CTNNA3: variants seen among roughly 807,000 people sequenced by gnomAD.
The protein encoded by CTNNA3 is catenin alpha-3.
CTNNA3 carries 76 observed loss-of-function variants against 95.7 expected under a neutral mutation model. The observed-to-expected ratio is 0.79, with a 90% confidence interval of 0.66 to 0.96. The LOEUF (loss-of-function observed/expected upper bound fraction) is 0.96, where lower values mean the gene tolerates loss of function less well. CTNNA3 is among the 40% of genes least tolerant of loss of function. The pLI is 0.00. For missense variants in CTNNA3, 1,191 were observed against 1,089.8 expected (o/e 1.09, Z -1.31); for synonymous variants, 431 against 374.4 (o/e 1.15, Z -1.74).
intron 5 of CTNNA3, among the ~76,000 whole-genome samples, chr10:67,417,005 C>T (rs1399851295): frequency 6.6e-6 from 1 of 152,144 alleles, no homozygotes; most frequent in Middle Eastern, 3.2e-3. Flanking sequence ...GTACATTCAT[C>T]ACTGTGCTAG....
chr10:66,288,351 T>A (rs1379250718), intron 12 of CTNNA3, among the ~76,000 whole-genome samples: 4 of 141,252 alleles, frequency 2.8e-5, no homozygotes, highest in Non-Finnish European at 6.1e-5. Flanking sequence ...CTTTTTAAGA[T>A]TCTACAATAA....
chr10:66,841,254 T>C (rs1270777340), intron 7 of CTNNA3, among the ~76,000 whole-genome samples: 1 of 151,744 alleles, frequency 6.6e-6, no homozygotes, highest in Non-Finnish European at 1.5e-5. Context: ...GTAACTGCAG[T>C]ATATGTAGGG....
chr10:67,598,102 A>T (rs899702098), intron 3 of CTNNA3, among the ~76,000 whole-genome samples: 5 of 152,018 alleles, frequency 3.3e-5, no homozygotes, highest in African/African-American at 1.2e-4. Flanking sequence ...TTCTGTCTAG[A>T]TCTGACAGTT....
At chr10:66,830,783 G>A (rs1842691569) in intron 7 of CTNNA3, among the ~76,000 whole-genome samples, 1 of 151,756 alleles carries the variant, frequency 6.6e-6, no homozygotes, top group Admixed American at 6.6e-5. Flanking sequence ...CTAATTTTTT[G>A]TATTTTTAGT....
At chr10:67,688,455 T>G (rs1485614113) in intron 1 of CTNNA3, among the ~76,000 whole-genome samples, 1 of 152,202 alleles carries the variant, frequency 6.6e-6, no homozygotes, top group Non-Finnish European at 1.5e-5. Flanking sequence ...TGTATTCTCC[T>G]TCAATGAAAA....
At chr10:66,528,472 A>T (rs1037443494) in intron 10 of CTNNA3, among the ~76,000 whole-genome samples, 5 of 152,158 alleles carry the variant, frequency 3.3e-5, no homozygotes, top group Admixed American at 1.3e-4. Context: ...TAGGTATTAG[A>T]AGCTTGTATT....
At chr10:67,310,114 G>A (rs1388040692) in intron 5 of CTNNA3, among the ~76,000 whole-genome samples, 1 of 152,156 alleles carries the variant, frequency 6.6e-6, no homozygotes, top group Non-Finnish European at 1.5e-5. Context: ...ATAAGTAGGT[G>A]GAGATAAGGG....
In CTNNA3 at chr10:67,500,295, CTGTT is replaced by C. The variant is rs368259433; in HGVS notation, c.579+21543_579+21546del. On this transcript the variant is annotated intron_variant, in intron 5 of 17. Transcript: ENST00000433211. ...TTTGATTGCACTATAGTCTGAGAGA[CTGTT>C]TGTTAAGATTTCTGTTCTCTTGCAT... Among the ~76,000 whole-genome samples, 60 of 152,266 alleles carry C rather than the reference CTGTT, an allele frequency of 3.9e-4. No individual in the cohort carries two copies. The East Asian group carries it at 7.1e-3, about 18-fold the overall frequency.
At chr10:66,587,720 C>T (rs924735390) in intron 10 of CTNNA3, among the ~76,000 whole-genome samples, 3 of 152,254 alleles carry the variant, frequency 2.0e-5, no homozygotes, top group Non-Finnish European at 4.4e-5. Flanking sequence ...CTTGGCAAGG[C>T]ATGTATCCCA....
At chr10:67,553,484 G>A (rs1841107032) in intron 3 of CTNNA3, among the ~76,000 whole-genome samples, 1 of 152,108 alleles carries the variant, frequency 6.6e-6, no homozygotes, top group African/African-American at 2.4e-5. Context: ...AACTGAGAGA[G>A]TCTTTAGCCC....
intron 6 of CTNNA3, among the ~76,000 whole-genome samples, chr10:67,196,787 G>C (rs567426983): frequency 9.2e-5 from 14 of 151,924 alleles, no homozygotes; most frequent in African/African-American, 3.4e-4. Context: ...GCACCTCCAG[G>C]AATCTGTTGA....
chr10:67,490,616 T>C (rs1380112873), intron 5 of CTNNA3, among the ~76,000 whole-genome samples: 1 of 152,096 alleles, frequency 6.6e-6, no homozygotes, highest in South Asian at 2.1e-4. Context: ...AGAACCATAC[T>C]GAAAACAGAA....
At chr10:67,419,417 G>A (rs989748908) in intron 5 of CTNNA3, among the ~76,000 whole-genome samples, 1 of 151,200 alleles carries the variant, frequency 6.6e-6, no homozygotes, top group Non-Finnish European at 1.5e-5. Flanking sequence ...TGTTATGTGG[G>A]AATATTGCAT....
At chr10:66,052,911 T>A (rs1370425488) in intron 15 of CTNNA3, among the ~76,000 whole-genome samples, 1 of 152,092 alleles carries the variant, frequency 6.6e-6, no homozygotes, top group Non-Finnish European at 1.5e-5. Context: ...GTATTACAAT[T>A]TTTTTTGGAG....
intron 13 of CTNNA3, among the ~76,000 whole-genome samples, chr10:66,177,901 A>T (rs2085804470): frequency 6.6e-6 from 1 of 151,980 alleles, no homozygotes; most frequent in African/African-American, 2.4e-5. Context: ...CAATTTGGTT[A>T]TTGGTAAAAT....
chr10:67,010,922 T>C (rs1363140738), intron 7 of CTNNA3, among the ~76,000 whole-genome samples: 1 of 152,154 alleles, frequency 6.6e-6, no homozygotes, highest in East Asian at 1.9e-4. Flanking sequence ...TGAATTGACA[T>C]TTTCAAAAAC....
Position 67,031,373 on chromosome 10 carries a change from A to G in CTNNA3, c.1047+148944T>C, listed in dbSNP as rs193123474. Among the ~76,000 whole-genome samples the G allele has an allele frequency of 2.4e-3, 366 of 152,320 alleles. 1 individual carries two copies. The highest frequency in any genetic ancestry group is 3.4e-3 in the Non-Finnish European group (230 of 68,024). ...GATAGAAAAAATCAGTGTCAGATCT[A>G]AGAATATCATTCTTCGTCTTCACTT... is the stretch of plus-strand genomic sequence containing the variant. On this transcript the variant is annotated intron_variant, in intron 7 of 17. Transcript: ENST00000433211.
chr10:66,196,701 G>T (rs947809773), intron 13 of CTNNA3, among the ~76,000 whole-genome samples: 1 of 152,182 alleles, frequency 6.6e-6, no homozygotes, highest in Non-Finnish European at 1.5e-5. Context: ...AGAATGGAGA[G>T]CCTCTTTAAA....
At chr10:66,976,037 G>T (rs1348346304) in intron 7 of CTNNA3, among the ~76,000 whole-genome samples, 1 of 152,036 alleles carries the variant, frequency 6.6e-6, no homozygotes, top group Non-Finnish European at 1.5e-5. Flanking sequence ...CTGTATAAAA[G>T]GCCCAATAAT....
Sources: gnomAD v4.1 joint callset for allele counts (sites outside exome capture counted in the v4.1 genomes callset) on GRCh38, gnomAD v4.1.1 for gene constraint, MANE v1.5 for transcripts, NCBI Gene and HGNC (gene_info 2026-07-23, HGNC 2026-07-21) for gene names.